LRP11: variants seen among roughly 807,000 people sequenced by gnomAD.
LRP11 encodes LDL receptor related protein 11, also known as low-density lipoprotein receptor-related protein 11.
In LRP11, 25 loss-of-function variants were observed where a neutral mutation model predicts 43.1. The observed-to-expected ratio is 0.58, with a 90% CI of 0.42 to 0.81. The LOEUF (loss-of-function observed/expected upper bound fraction) is 0.81. Ranked by LOEUF, LRP11 falls within the 30% of genes least tolerant of loss-of-function variation. The pLI is 0.00. For synonymous variants in LRP11, 316 were observed against 299.4 expected, an observed-to-expected ratio of 1.06 and a Z score of -0.57; for missense variants, 623 against 665.1, an observed-to-expected ratio of 0.94 and a Z score of 0.70.
intron 6 of LRP11, 122 bp downstream of exon 6, chr6:149,826,142 C>T (rs753807576): frequency 6.4e-6 from 5 of 785,296 alleles, no homozygotes; most frequent in African/African-American, 5.1e-5. Flanking sequence ...ACAGTTCTTT[C>T]GGTCCACTGA....
intron 3 of LRP11, among the ~76,000 whole-genome samples, chr6:149,839,677 C>T (rs781507125): frequency 7.9e-5 from 12 of 152,114 alleles, no homozygotes; most frequent in Admixed American, 2.0e-4. Flanking sequence ...TTATTTGAGA[C>T]GGAGTCTCGC....
intron 1 of LRP11, among the ~76,000 whole-genome samples, chr6:149,862,701 T>G (rs1398929143): frequency 6.7e-6 from 1 of 149,118 alleles, no homozygotes; most frequent in Non-Finnish European, 1.5e-5. Flanking sequence ...TGCCTCAGCC[T>G]CCCGAATAGC....
rs1255240426 is a variant in LRP11, at chr6:149,827,611, A to T, written c.1253-1252T>A. On this transcript the variant is annotated intron_variant, in intron 5 of 6. Transcript: ENST00000239367. This position sits in a 1 kb window ranked among gnomAD's most constrained non-coding sequence, Gnocchi z 4.2. ...TCCATAAACTCTGAGCTCAGACAGA[A>T]GGAGAGAGATGAGGAAAGCACAGCC... Among the ~76,000 whole-genome samples the T allele has an allele frequency of 1.3e-5, 2 of 152,212 alleles. No homozygotes were observed. Among genetic ancestry groups the T allele is most frequent in the African/African-American group, 4.8e-5 (2 of 41,456 alleles).
Position 149,819,658 on chromosome 6 carries a change from T to A in LRP11, c.*891A>T, listed in dbSNP as rs1776252685. 1 of 152,224 alleles carries A rather than the reference T, an allele frequency of 6.6e-6. No individual in the cohort carries two copies. The highest frequency in any genetic ancestry group is 1.5e-5 in the Non-Finnish European group (1 of 68,040). The allele number at this position is 152,224 out of a possible 1,614,324, so 9.4% of individuals were successfully genotyped here. On this transcript the variant is annotated 3_prime_UTR_variant, in exon 7 of 7. Coordinates refer to ENST00000239367, the MANE Select transcript of LRP11 (RefSeq NM_032832.6). The stretch of plus-strand genomic sequence containing the variant: ...GCTGTACCCAGGAATCCACTCAACG[T>A]CCTCTCTTCAATTGTCGTTTTTCAT...
chr6:149,838,831 C>T (rs1200415008), intron 3 of LRP11, among the ~76,000 whole-genome samples: 8 of 152,086 alleles, frequency 5.3e-5, no homozygotes, highest in Non-Finnish European at 1.2e-4. Flanking sequence ...CTTTATTAGA[C>T]TTAGCTAGAG....
At chr6:149,836,843 A>C (rs1776478307) in intron 4 of LRP11, among the ~76,000 whole-genome samples, 1 of 152,118 alleles carries the variant, frequency 6.6e-6, no homozygotes, top group Non-Finnish European at 1.5e-5. Context: ...AGAAAAAAGA[A>C]ATGGACAAAG....
intron 3 of LRP11, 83 bp downstream of exon 3, chr6:149,842,900 G>C: frequency 6.7e-7 from 1 of 1,489,094 alleles, no homozygotes; most frequent in Admixed American, 1.7e-5. Flanking sequence ...AGAGCCCATG[G>C]AGCGCAGAGC....
intron 1 of LRP11, among the ~76,000 whole-genome samples, chr6:149,862,422 C>T (rs1333737732): frequency 1.3e-5 from 2 of 152,158 alleles, no homozygotes; most frequent in Non-Finnish European, 2.9e-5. Flanking sequence ...TCTCTTATTC[C>T]CTCCGTGACA....
intron 2 of LRP11, 86 bp from the exon 3 acceptor site, chr6:149,843,210 C>CA: frequency 6.6e-7 from 1 of 1,511,328 alleles, no homozygotes; most frequent in Non-Finnish European, 9.1e-7. Context: ...TCCATGTCCT[C>CA]AGAGCAGCCC....
chr6:149,858,306 T>C (rs540206843), intron 1 of LRP11, among the ~76,000 whole-genome samples: 1 of 152,362 alleles, frequency 6.6e-6, no homozygotes, highest in Admixed American at 6.5e-5. Context: ...TGTTTGGTTT[T>C]CTGTCCTTGT....
At position 149,862,154 on chromosome 6, in the gene LRP11, AG is replaced by A. The variant is rs765778892; in HGVS notation, c.613+1253del. ...GTTTGCCTCAAGGCCAAGCAGTCGC[AG>A]GGTGACCCTTTGATATCTGCTCCCC... On this transcript the variant is annotated intron_variant, in intron 1 of 6. Transcript: ENST00000239367. Among the ~76,000 whole-genome samples, 7 of 152,286 alleles carry A rather than the reference AG, an allele frequency of 4.6e-5. No individual in the cohort carries two copies. The East Asian group carries it at 1.4e-3, about 29-fold the overall frequency.
chr6:149,852,972 C>T (rs974848573), intron 2 of LRP11, 31 bp downstream of exon 2: 7 of 1,548,554 alleles, frequency 4.5e-6, no homozygotes, highest in South Asian at 3.6e-5. Flanking sequence ...CTGAAATACT[C>T]GTTTTTGTTA....
chr6:149,863,991 G>C lies in LRP11; in HGVS notation c.30C>G (p.Gly10=), dbSNP rs1776991912. ...GACGCGGCGGTAGCCGGCGCTGCGA[G>C]CCCGCGCTCTCCTGGGCGACGGAGG... MASVAQESA[G]SQRRLPPRHG... is the part of the protein sequence containing the mutation. The change falls in exon 1 of 7, where the codon GGC becomes GGG. Residue 10 remains glycine (G), a synonymous_variant. Coordinates refer to ENST00000239367, the MANE Select transcript of LRP11 (RefSeq NM_032832.6). The C allele has an allele frequency of 7.2e-7, 1 of 1,398,502 alleles. No individual in the cohort carries two copies. The highest frequency in any genetic ancestry group is 1.5e-5 in the African/African-American group (1 of 66,052). 86.6% of individuals were successfully genotyped at this position (1,398,502 alleles called of 1,614,324 possible). A position where few individuals can be genotyped will look rare whatever the true frequency, so the allele number is the denominator to read the frequency against.
chr6:149,837,212 CA>C, intron 4 of LRP11, 125 bp downstream of exon 4: 1 of 1,018,042 alleles, frequency 9.8e-7, no homozygotes, highest in Non-Finnish European at 1.4e-6. Flanking sequence ...ATAGCTTTTA[CA>C]TGTAAAGTTA....
chr6:149,859,913 A>C (rs1267651855), intron 1 of LRP11, among the ~76,000 whole-genome samples: 2 of 152,316 alleles, frequency 1.3e-5, no homozygotes, highest in South Asian at 2.1e-4. Flanking sequence ...TTAATTTAAA[A>C]AAAATTTAAT....
At chr6:149,847,824 TACACACACACACACACACACACACAC>T (rs57292379) in intron 2 of LRP11, among the ~76,000 whole-genome samples, 11 of 131,040 alleles carry the variant, frequency 8.4e-5, no homozygotes, top group Non-Finnish European at 1.6e-4. Flanking sequence ...TAAACTAAAT[TACACACACACACACACACACACACAC>T]ACACACACAC....
In LRP11 at chr6:149,859,402, T is replaced by A. The variant is rs563736846; in HGVS notation, c.613+4006A>T. 3.1e-3 allele frequency among the ~76,000 whole-genome samples: 210 copies of A among 68,540 alleles called. 3 individuals are homozygous for A. The highest frequency in any genetic ancestry group is 8.3e-3 in the East Asian group (6 of 720). 45.0% of individuals were successfully genotyped at this position (68,540 alleles called of 152,430 possible). A position where few individuals can be genotyped will look rare whatever the true frequency, so the allele number is the denominator to read the frequency against. On this transcript the variant is annotated intron_variant, in intron 1 of 6. Coordinates refer to ENST00000239367, the MANE Select transcript of LRP11 (RefSeq NM_032832.6). ...CATATATATATATATATATATTTTT[T>A]TTTTTTTTTTTTTGACCGAGTCTTG...
chr6:149,853,703 G>A (rs1776757219), intron 1 of LRP11, among the ~76,000 whole-genome samples: 1 of 152,084 alleles, frequency 6.6e-6, no homozygotes, highest in South Asian at 2.1e-4. Context: ...GTAGACACAG[G>A]GTTTTGCCAT....
At chr6:149,823,772 A>G (rs1274018668) in intron 6 of LRP11, among the ~76,000 whole-genome samples, 1 of 152,202 alleles carries the variant, frequency 6.6e-6, no homozygotes, top group African/African-American at 2.4e-5. Context: ...ACTGTTAGGT[A>G]TCAAACAAAG....
Sources: allele counts gnomAD v4.1 joint callset (sites outside exome capture counted in the v4.1 genomes callset), GRCh38; gene constraint gnomAD v4.1.1; non-coding constraint Gnocchi (gnomAD v3.1); transcripts MANE v1.5; gene names NCBI Gene and HGNC (gene_info 2026-07-23, HGNC 2026-07-21).